Variants in COL28A1 observed in about 807,000 individuals in gnomAD.
The protein encoded by COL28A1 is collagen alpha-1(XXVIII) chain.
Under a neutral mutation model 150.2 loss-of-function variants are expected in COL28A1, and 161 were observed. The ratio of observed to expected loss-of-function variants is 1.07; its 90% CI spans 0.94 to 1.22. COL28A1 has a LOEUF of 1.22. Among genes scored for constraint, COL28A1 ranks in the 50% most tolerant of loss-of-function variants. The pLI, the probability that COL28A1 is intolerant of heterozygous loss-of-function variation, is 0.00. For synonymous variants in COL28A1, 552 were observed against 469.7 expected (o/e 1.18, Z -2.26); for missense variants, 1,617 against 1,388.3 (o/e 1.16, Z -2.62).
chr7:7,422,383 C>T (rs1374773721), intron 25 of COL28A1, among the ~76,000 whole-genome samples: 1 of 152,094 alleles, frequency 6.6e-6, no homozygotes, highest in Non-Finnish European at 1.5e-5. Flanking sequence ...GTAATCCCAC[C>T]ACTCTGGCAG....
At chr7:7,473,086 A>C (rs1788564221) in intron 15 of COL28A1, among the ~76,000 whole-genome samples, 1 of 152,342 alleles carries the variant, frequency 6.6e-6, no homozygotes, top group South Asian at 2.1e-4. Context: ...AGAAGATAAC[A>C]TTGAAAAAAC....
chr7:7,423,725 C>A (rs151309841), intron 25 of COL28A1, among the ~76,000 whole-genome samples: 1 of 152,094 alleles, frequency 6.6e-6, no homozygotes, highest in African/African-American at 2.4e-5. Context: ...CTAATACCCA[C>A]ACATGGGAAA....
intron 13 of COL28A1, among the ~76,000 whole-genome samples, chr7:7,478,820 C>A (rs918840078): frequency 6.6e-6 from 1 of 152,266 alleles, no homozygotes; most frequent in African/African-American, 2.4e-5. Flanking sequence ...GGCGGCAGGG[C>A]CAGTCGGCTG....
Position 7,373,663 on chromosome 7 carries a change from T to C in COL28A1, c.2360-117A>G, listed in dbSNP as rs929133874. On this transcript the variant is annotated intron_variant, in intron 31 of 34. Transcript: ENST00000399429. This position sits in a 1 kb window ranked among gnomAD's most constrained non-coding sequence, Gnocchi z 4.1. ...GACCTAAACTATTCTCTTCCTTTTC[T>C]GTGATTGTGAAAATACCTGACAGCT... The C allele has an allele frequency of 8.5e-5, 68 of 801,694 alleles. No homozygotes were observed. The highest frequency in any genetic ancestry group is 1.4e-4 in the Admixed American group (5 of 36,578). The allele number at this position is 801,694 out of a possible 1,614,324, so 49.7% of individuals were successfully genotyped here. A position where few individuals can be genotyped will look rare whatever the true frequency, so the allele number is the denominator to read the frequency against.
chr7:7,393,522 G>A (rs1277071103), intron 27 of COL28A1, among the ~76,000 whole-genome samples: 2 of 152,228 alleles, frequency 1.3e-5, no homozygotes, highest in African/African-American at 4.8e-5. Flanking sequence ...CCAGCAGGCA[G>A]GGATGTTTAA....
intron 8 of COL28A1, chr7:7,511,860 T>C (rs1434911900): frequency 6.4e-6 from 3 of 467,836 alleles, no homozygotes; most frequent in African/African-American, 4.0e-5. Flanking sequence ...AAAACAACAT[T>C]TGAGTTATTC....
chr7:7,464,790 A>G (rs997365071), intron 15 of COL28A1, among the ~76,000 whole-genome samples: 4 of 152,234 alleles, frequency 2.6e-5, no homozygotes, highest in Non-Finnish European at 5.9e-5. Context: ...CAAACTCAGC[A>G]GAAAGGAAAT....
intron 15 of COL28A1, among the ~76,000 whole-genome samples, chr7:7,460,949 T>C (rs928673676): frequency 6.6e-6 from 1 of 152,166 alleles, no homozygotes; most frequent in East Asian, 1.9e-4. Flanking sequence ...AAGAACAGCA[T>C]GTGGAGGCTA....
At chr7:7,361,528 G>A (rs1171775363) in intron 33 of COL28A1, among the ~76,000 whole-genome samples, 1 of 152,018 alleles carries the variant, frequency 6.6e-6, no homozygotes, top group Non-Finnish European at 1.5e-5. Flanking sequence ...TTTAATGATC[G>A]CCATTCTAAC....
chr7:7,449,224 A>C (rs1786496588), intron 18 of COL28A1, among the ~76,000 whole-genome samples: 1 of 152,168 alleles, frequency 6.6e-6, no homozygotes, highest in African/African-American at 2.4e-5. Flanking sequence ...AATTGAGTTT[A>C]TCTCAAGAAT....
At position 7,531,706 on chromosome 7, in the gene COL28A1, A is replaced by G. The variant is rs773254404; in HGVS notation, c.323T>C (p.Phe108Ser). Residue 108 changes from phenylalanine to serine, a missense_variant, in exon 3 of 35, where the codon TTT becomes TCT. Physicochemically the swap from Phe to Ser is radical, Grantham distance 155 (BLOSUM62 -2). Coordinates refer to ENST00000399429, the MANE Select transcript of COL28A1 (RefSeq NM_001037763.3). ...FSSSVQIDPP[F>S]SSWKDLQTFK... is the part of the protein sequence containing the mutation. ...TGTCTGCAGGTCCTTCCAGGAAGAA[A>G]AAGGTGGATCAATTTGGACAGAGCT... 1.2e-6 allele frequency: 2 copies of G among 1,602,024 alleles called. No homozygotes were observed. Among genetic ancestry groups the G allele is most frequent in the Non-Finnish European group, 1.7e-6 (2 of 1,168,954 alleles).
intron 27 of COL28A1, among the ~76,000 whole-genome samples, chr7:7,397,339 G>A (rs1347049064): frequency 1.3e-5 from 2 of 151,766 alleles, no homozygotes; most frequent in African/African-American, 4.8e-5. Flanking sequence ...AAGGACATTC[G>A]GGCCTTATAT....
intron 27 of COL28A1, among the ~76,000 whole-genome samples, chr7:7,392,624 G>T (rs929882129): frequency 3.5e-4 from 53 of 152,116 alleles, no homozygotes; most frequent in African/African-American, 1.2e-3. Context: ...TCAAACGTAG[G>T]TTTGGTCTTT....
chr7:7,423,520 T>C (rs1309561020), intron 25 of COL28A1, among the ~76,000 whole-genome samples: 1 of 152,016 alleles, frequency 6.6e-6, no homozygotes, highest in African/African-American at 2.4e-5. Context: ...AATTTACATC[T>C]GTCGTGTGTA....
At chr7:7,415,082 AAGTT>A (rs1459449554) in intron 27 of COL28A1, among the ~76,000 whole-genome samples, 2 of 152,188 alleles carry the variant, frequency 1.3e-5, no homozygotes, top group Non-Finnish European at 2.9e-5. Flanking sequence ...TCTAGCAACT[AAGTT>A]AGGTTGAAGC....
chr7:7,426,179 C>G (rs772073654), intron 25 of COL28A1, among the ~76,000 whole-genome samples: 3 of 152,130 alleles, frequency 2.0e-5, no homozygotes, highest in Non-Finnish European at 4.4e-5. Flanking sequence ...AAAGATTCTG[C>G]TAAATGATGA....
At chr7:7,515,879 C>T (rs746335222) in intron 7 of COL28A1, 39 bp from the exon 8 acceptor site, 16 of 856,480 alleles carry the variant, frequency 1.9e-5, no homozygotes, top group Admixed American at 5.3e-5. Context: ...ATATGATACT[C>T]TGAGGCAGAA....
intron 27 of COL28A1, among the ~76,000 whole-genome samples, chr7:7,400,085 CAG>C (rs1393448561): frequency 1.3e-5 from 2 of 152,198 alleles, no homozygotes; most frequent in African/African-American, 4.8e-5. Context: ...AGTTCATTAA[CAG>C]ACAAGAATGG....
At chr7:7,420,203 T>C (rs1784323042) in intron 25 of COL28A1, 1 of 286,528 alleles carries the variant, frequency 3.5e-6, no homozygotes, top group African/African-American at 2.2e-5. Flanking sequence ...TTCTCTAGAA[T>C]TTGGAAAAGT....
Sources: allele counts gnomAD v4.1 joint callset (sites outside exome capture counted in the v4.1 genomes callset), GRCh38; gene constraint gnomAD v4.1.1; non-coding constraint Gnocchi (gnomAD v3.1); transcripts MANE v1.5; gene names NCBI Gene and HGNC (gene_info 2026-07-23, HGNC 2026-07-21).